The following LYPD6B variants were observed in gnomAD, a reference collection of about 807,000 sequenced individuals.
The protein encoded by LYPD6B is LY6/PLAUR domain containing 6B.
Under a neutral mutation model 22.8 loss-of-function variants are expected in LYPD6B, and 17 were observed. That is an observed-to-expected ratio of 0.75 (90% CI 0.51 to 1.12). The LOEUF (loss-of-function observed/expected upper bound fraction) is 1.12, where lower values mean the gene tolerates loss of function less well. Ranked by LOEUF, LYPD6B falls within the 50% of genes most tolerant of loss-of-function variation. The pLI is 0.00. For missense variants in LYPD6B, 221 were observed against 258.3 expected (o/e 0.86, Z 0.99); for synonymous variants, 106 against 91.6 (o/e 1.16, Z -0.90).
chr2:149,119,548 C>T (rs181653842), intron 1 of LYPD6B, among the ~76,000 whole-genome samples: 21 of 152,292 alleles, frequency 1.4e-4, no homozygotes, highest in African/African-American at 4.8e-4. Context: ...ACTCAGTTGA[C>T]GGTCTTGAGG....
At chr2:149,084,904 C>T (rs1431307271) in intron 1 of LYPD6B, among the ~76,000 whole-genome samples, 1 of 152,094 alleles carries the variant, frequency 6.6e-6, no homozygotes, top group Non-Finnish European at 1.5e-5. Flanking sequence ...TCAAAGTCAG[C>T]CTAACTGTGA....
chr2:149,075,256 T>G, intron 1 of LYPD6B, among the ~76,000 whole-genome samples: 1 of 152,236 alleles, frequency 6.6e-6, no homozygotes, highest in African/African-American at 2.4e-5. Context: ...TGCTTCCTTA[T>G]GGGGCAGTGC....
chr2:149,146,565 T>G (rs633111), intron 2 of LYPD6B, among the ~76,000 whole-genome samples: 96,565 of 151,960 alleles, frequency 0.64, 30,805 homozygotes, highest in South Asian at 0.75. Flanking sequence ...TGGGAGCCTT[T>G]GGATGCATTT....
intron 3 of LYPD6B, among the ~76,000 whole-genome samples, chr2:149,204,169 C>A (rs781622080): frequency 6.6e-6 from 1 of 152,132 alleles, no homozygotes; most frequent in Non-Finnish European, 1.5e-5. Flanking sequence ...CCACATTTGA[C>A]GCTCACATTT....
At chr2:149,208,433 A>C in intron 5 of LYPD6B, 21 bp downstream of exon 5, 1 of 1,555,274 alleles carries the variant, frequency 6.4e-7, no homozygotes, top group Non-Finnish European at 8.9e-7. Context: ...TGAGTTTGGA[A>C]GACTTCTGTG....
At chr2:149,195,182 G>T (rs1692730505) in intron 3 of LYPD6B, among the ~76,000 whole-genome samples, 1 of 152,166 alleles carries the variant, frequency 6.6e-6, no homozygotes, top group African/African-American at 2.4e-5. Flanking sequence ...GAGACCTTCA[G>T]CCCATCTCCA....
intron 1 of LYPD6B, among the ~76,000 whole-genome samples, chr2:149,092,725 T>C (rs1020342732): frequency 1.3e-5 from 2 of 152,196 alleles, no homozygotes; most frequent in African/African-American, 4.8e-5. Context: ...AACTTCAATA[T>C]GTTTATGCTC....
chr2:149,069,956 G>A (rs944776113), intron 1 of LYPD6B, among the ~76,000 whole-genome samples: 15 of 150,838 alleles, frequency 9.9e-5, no homozygotes, highest in Admixed American at 2.0e-4. Context: ...GTGTGTGTAC[G>A]TGTGTGTGTA....
At chr2:149,119,814 C>T (rs1169585865) in intron 1 of LYPD6B, among the ~76,000 whole-genome samples, 1 of 152,144 alleles carries the variant, frequency 6.6e-6, no homozygotes, top group Non-Finnish European at 1.5e-5. Context: ...ATCTCTGAAA[C>T]AGAGCTCACA....
intron 2 of LYPD6B, among the ~76,000 whole-genome samples, chr2:149,136,351 G>A (rs1448111962): frequency 1.3e-5 from 2 of 152,126 alleles, no homozygotes; most frequent in Admixed American, 6.6e-5. Flanking sequence ...CAGTGCCCTG[G>A]ACTAAATGAA....
At chr2:149,067,490 AT>A (rs1684388869) in intron 1 of LYPD6B, among the ~76,000 whole-genome samples, 1 of 151,922 alleles carries the variant, frequency 6.6e-6, no homozygotes, top group Non-Finnish European at 1.5e-5. Context: ...CCCCTCTAGT[AT>A]ATTTATTGAT....
At chr2:149,078,259 T>C (rs1180414159) in intron 1 of LYPD6B, among the ~76,000 whole-genome samples, 1 of 152,220 alleles carries the variant, frequency 6.6e-6, no homozygotes, top group African/African-American at 2.4e-5. Flanking sequence ...CACAGAGGCC[T>C]GAACATTTCC....
intron 1 of LYPD6B, among the ~76,000 whole-genome samples, chr2:149,113,673 A>AGATCTAGAAATTGCTAGTAATT (rs1462513894): frequency 1.3e-5 from 2 of 152,292 alleles, no homozygotes; most frequent in East Asian, 3.9e-4. Context: ...TTAAAAAAAT[A>AGATCTAGAAATTGCTAGTAATT]GATCTAGAAA....
At chr2:149,128,889 T>G (rs1034938344) in intron 1 of LYPD6B, among the ~76,000 whole-genome samples, 8 of 152,242 alleles carry the variant, frequency 5.3e-5, no homozygotes, top group African/African-American at 1.9e-4. Flanking sequence ...CCTAGTGTTC[T>G]GATCCCCTTG....
intron 2 of LYPD6B, among the ~76,000 whole-genome samples, chr2:149,148,814 C>T (rs937526118): frequency 3.9e-5 from 6 of 152,144 alleles, no homozygotes; most frequent in Admixed American, 1.3e-4. Flanking sequence ...AGGTGTGACA[C>T]GAGTGCTTGG....
chr2:149,059,989 G>T (rs1052925757), intron 1 of LYPD6B, among the ~76,000 whole-genome samples: 3 of 152,082 alleles, frequency 2.0e-5, no homozygotes, highest in African/African-American at 7.2e-5. Flanking sequence ...GCTCAGCATG[G>T]TCGGAGCAGG....
chr2:149,188,262 T>C (rs1019886571), intron 3 of LYPD6B, among the ~76,000 whole-genome samples: 3 of 152,220 alleles, frequency 2.0e-5, no homozygotes, highest in African/African-American at 7.2e-5. Context: ...TGATGCAAAG[T>C]AGAGACTCAG....
intron 3 of LYPD6B, among the ~76,000 whole-genome samples, chr2:149,192,473 A>C (rs1356694225): frequency 2.8e-5 from 4 of 143,826 alleles, no homozygotes; most frequent in Non-Finnish European, 6.0e-5. Context: ...CTATGTTTTC[A>C]CCAAAGCCCA....
chr2:149,078,742 C>T (rs1312274762), intron 1 of LYPD6B, among the ~76,000 whole-genome samples: 2 of 152,216 alleles, frequency 1.3e-5, no homozygotes. Flanking sequence ...CATGGTGGCT[C>T]ATGCCTGTAG....
Sources: allele counts gnomAD v4.1 joint callset (sites outside exome capture counted in the v4.1 genomes callset), GRCh38; gene constraint gnomAD v4.1.1; transcripts MANE v1.5; gene names NCBI Gene and HGNC (gene_info 2026-07-23, HGNC 2026-07-21).